Variants in TENM3 observed in about 807,000 individuals in gnomAD.
The protein encoded by TENM3 is teneurin-3.
In TENM3, 63 loss-of-function variants were observed where a neutral mutation model predicts 255.1. The ratio of observed to expected loss-of-function variants is 0.25; its 90% CI spans 0.20 to 0.30. The LOEUF is 0.30. TENM3 is among the 10% of genes least tolerant of loss of function. The pLI, the probability that TENM3 is intolerant of heterozygous loss-of-function variation, is 1.00. For missense variants in TENM3, 2,929 were observed against 3,461.1 expected, an observed-to-expected ratio of 0.85 and a Z score of 3.86; for synonymous variants, 1,306 against 1,322.3, an observed-to-expected ratio of 0.99 and a Z score of 0.27.
At chr4:181,810,414 CCT>C in the TENM3 span, among the ~76,000 whole-genome samples, 50 of 152,154 alleles carry the variant, frequency 3.3e-4, no homozygotes, top group African/African-American at 9.6e-4. Flanking sequence ...AGTCCCCTTT[CCT>C]CTCTGTTTTA....
At chr4:181,581,064 C>CA in the TENM3 span, among the ~76,000 whole-genome samples, 1 of 151,858 alleles carries the variant, frequency 6.6e-6, no homozygotes, top group Non-Finnish European at 1.5e-5. Flanking sequence ...AGGCAAACAG[C>CA]AAAAATGGCA....
the TENM3 span, among the ~76,000 whole-genome samples, chr4:182,115,626 T>G: frequency 6.6e-6 from 1 of 152,180 alleles, no homozygotes; most frequent in African/African-American, 2.4e-5. Flanking sequence ...GATATCTAGT[T>G]CAGTGTTTTC....
At chr4:182,114,451 T>G in the TENM3 span, among the ~76,000 whole-genome samples, 253 of 150,392 alleles carry the variant, frequency 1.7e-3, 1 homozygote, top group Non-Finnish European at 2.3e-3. Context: ...ATTCCAATCG[T>G]TTTTAGGGAA....
the TENM3 span, among the ~76,000 whole-genome samples, chr4:181,995,189 C>G: frequency 1.3e-5 from 2 of 151,914 alleles, no homozygotes. Flanking sequence ...ACTTGGGAGG[C>G]TGAGGCAGGA....
chr4:182,494,894 G>A (rs1026603653), intron 3 of TENM3, among the ~76,000 whole-genome samples: 1 of 152,130 alleles, frequency 6.6e-6, no homozygotes, highest in Non-Finnish European at 1.5e-5. Flanking sequence ...GTGAGATGAC[G>A]TTTATTAGAT....
chr4:182,367,523 A>G (rs1766514202), intron 3 of TENM3, among the ~76,000 whole-genome samples: 1 of 152,190 alleles, frequency 6.6e-6, no homozygotes, highest in African/African-American at 2.4e-5. Context: ...CATCGTGAAT[A>G]GAGTAGAAGG....
chr4:182,801,263 G>A lies in TENM3; in HGVS notation c.*912G>A, dbSNP rs1766938763. 1 of 152,450 alleles carries A rather than the reference G, an allele frequency of 6.6e-6. No individual in the cohort carries two copies. Among genetic ancestry groups the A allele is most frequent in the South Asian group, 2.1e-4 (1 of 4,806 alleles). 9.4% of individuals were successfully genotyped at this position (152,450 alleles called of 1,614,324 possible). On this transcript the variant is annotated 3_prime_UTR_variant, in exon 28 of 28. Coordinates refer to ENST00000511685, the MANE Select transcript of TENM3 (RefSeq NM_001080477.4). ...AGTGTTAATATTTTTGTATTAGGTT[G>A]AAAAAATGTGCAAGCTTCTATCACT...
At chr4:181,961,019 A>G in the TENM3 span, among the ~76,000 whole-genome samples, 1 of 152,168 alleles carries the variant, frequency 6.6e-6, no homozygotes, top group Non-Finnish European at 1.5e-5. Flanking sequence ...CCAGGGGTGC[A>G]AAGGGCCTGC....
intron 13 of TENM3, among the ~76,000 whole-genome samples, chr4:182,722,942 G>T (rs1039647942): frequency 6.6e-6 from 1 of 152,202 alleles, no homozygotes. Context: ...CCAGGATAAC[G>T]TTCAGGTTTC....
the TENM3 span, among the ~76,000 whole-genome samples, chr4:181,971,674 C>T: frequency 6.6e-6 from 1 of 152,054 alleles, no homozygotes; most frequent in Non-Finnish European, 1.5e-5. Context: ...TCAAGCAATC[C>T]TCCCACCTCA....
intron 4 of TENM3, 102 bp from the exon 5 acceptor site, chr4:182,628,546 AGAG>A (rs1751048663): frequency 2.9e-6 from 2 of 692,100 alleles, no homozygotes; most frequent in Non-Finnish European, 2.5e-6. Context: ...CTTTTAAAAA[AGAG>A]AGAGAGAGCA....
intron 3 of TENM3, among the ~76,000 whole-genome samples, chr4:182,362,430 T>G (rs1379476147): frequency 9.9e-5 from 15 of 151,650 alleles, no homozygotes; most frequent in African/African-American, 2.9e-4. Context: ...GCAATGGTGG[T>G]CGCCCCTCCC....
chr4:181,870,184 A>ATTGATTAATTCATTGAATTGAT, the TENM3 span, among the ~76,000 whole-genome samples: 1 of 152,142 alleles, frequency 6.6e-6, no homozygotes, highest in South Asian at 2.1e-4. Context: ...TTACTCTTGA[A>ATTGATTAATTCATTGAATTGAT]TAGTATTTCA....
the TENM3 span, among the ~76,000 whole-genome samples, chr4:182,103,876 C>T: frequency 7.2e-6 from 1 of 138,324 alleles, no homozygotes; most frequent in Non-Finnish European, 1.6e-5. Context: ...CCCAGATTGA[C>T]ACAGATATGC....
the TENM3 span, among the ~76,000 whole-genome samples, chr4:181,548,204 C>T: frequency 6.6e-6 from 1 of 152,186 alleles, no homozygotes; most frequent in East Asian, 1.9e-4. Context: ...CATTTTTACA[C>T]TGTTAGTGGG....
chr4:181,696,722 T>A, the TENM3 span, among the ~76,000 whole-genome samples: 5 of 152,150 alleles, frequency 3.3e-5, no homozygotes, highest in Non-Finnish European at 4.4e-5. Context: ...TTATTATGAG[T>A]TTCATTCTAT....
chr4:181,733,108 T>C, the TENM3 span, among the ~76,000 whole-genome samples: 1 of 152,216 alleles, frequency 6.6e-6, no homozygotes, highest in African/African-American at 2.4e-5. Flanking sequence ...TTTTTGTCTT[T>C]GGACCTCTGG....
intron 3 of TENM3, among the ~76,000 whole-genome samples, chr4:182,592,128 C>CTTTTTTT (rs77448760): frequency 7.3e-6 from 1 of 137,642 alleles, no homozygotes; most frequent in Non-Finnish European, 1.6e-5. Context: ...TTCTTTTCTT[C>CTTTTTTT]TTTTTTTTTT....
At chr4:181,579,923 A>G in the TENM3 span, among the ~76,000 whole-genome samples, 1 of 151,184 alleles carries the variant, frequency 6.6e-6, no homozygotes, top group Non-Finnish European at 1.5e-5. Context: ...TCTCTAGGAG[A>G]AGTACCTACA....
Sources: gnomAD v4.1 joint callset for allele counts (sites outside exome capture counted in the v4.1 genomes callset) on GRCh38, gnomAD v4.1.1 for gene constraint, MANE v1.5 for transcripts, NCBI Gene and HGNC (gene_info 2026-07-23, HGNC 2026-07-21) for gene names.